The following FBN1 variants were observed in gnomAD, a reference collection of about 807,000 sequenced individuals.
The protein encoded by FBN1 is fibrillin 1, also known as fibrillin-1.
In FBN1, 29 loss-of-function variants were observed where a neutral mutation model predicts 365.1. The ratio of observed to expected loss-of-function variants is 0.08; its 90% CI spans 0.06 to 0.11. FBN1 has a LOEUF of 0.11. Ranked by LOEUF, FBN1 falls within the 10% of genes least tolerant of loss-of-function variation. FBN1 has a pLI of 1.00. For synonymous variants in FBN1, 1,210 were observed against 1,270.5 expected, an observed-to-expected ratio of 0.95 and a Z score of 1.01; for missense variants, 2,476 against 3,703.2, an observed-to-expected ratio of 0.67 and a Z score of 8.60.
chr15:48,484,186 T>A (rs1239043972), intron 30 of FBN1, among the ~76,000 whole-genome samples: 1 of 152,204 alleles, frequency 6.6e-6, no homozygotes, highest in Non-Finnish European at 1.5e-5. Flanking sequence ...CTTAAAAGTC[T>A]ATTATTTATT....
intron 38 of FBN1, among the ~76,000 whole-genome samples, chr15:48,466,109 T>C (rs1326946313): frequency 6.6e-6 from 1 of 152,194 alleles, no homozygotes; most frequent in African/African-American, 2.4e-5. Context: ...TGGTCTTACA[T>C]GTGTGTGGAC....
intron 3 of FBN1, among the ~76,000 whole-genome samples, chr15:48,612,718 A>G (rs1202468309): frequency 6.6e-6 from 1 of 152,184 alleles, no homozygotes; most frequent in East Asian, 1.9e-4. Flanking sequence ...AAGCAGCAAT[A>G]ATACCCTTTC....
At chr15:48,592,302 T>A (rs2044483822) in intron 6 of FBN1, among the ~76,000 whole-genome samples, 1 of 152,188 alleles carries the variant, frequency 6.6e-6, no homozygotes, top group Non-Finnish European at 1.5e-5. Context: ...CCATCATTCT[T>A]TTCTCTTTTG....
intron 2 of FBN1, among the ~76,000 whole-genome samples, chr15:48,633,540 C>T (rs1890030257): frequency 6.6e-6 from 1 of 152,144 alleles, no homozygotes; most frequent in African/African-American, 2.4e-5. Flanking sequence ...GACTGATACC[C>T]TCATTGACAA....
At chr15:48,478,905 G>C (rs2043445771) in intron 32 of FBN1, among the ~76,000 whole-genome samples, 1 of 152,148 alleles carries the variant, frequency 6.6e-6, no homozygotes, top group Non-Finnish European at 1.5e-5. Flanking sequence ...GAAATATTTA[G>C]ACAAAACTGT....
intron 6 of FBN1, among the ~76,000 whole-genome samples, chr15:48,551,958 A>G (rs143832094): frequency 1.3e-4 from 20 of 152,302 alleles, no homozygotes; most frequent in African/African-American, 2.9e-4. Context: ...TAGTGCTGCA[A>G]TGAGCATACA....
chr15:48,534,316 G>A lies in FBN1; in HGVS notation c.737-111C>T, dbSNP rs921744579. 21 of 1,133,056 alleles carry A rather than the reference G, an allele frequency of 1.9e-5. No individual in the cohort carries two copies. The East Asian group carries it at 4.8e-4, about 26-fold the overall frequency. 70.2% of individuals were successfully genotyped at this position (1,133,056 alleles called of 1,614,324 possible). A position where few individuals can be genotyped will look rare whatever the true frequency, so the allele number is the denominator to read the frequency against. On this transcript the variant is annotated intron_variant, in intron 7 of 65. Transcript: ENST00000316623. ...TATGTTACCATATTTATATCGGTGA[G>A]TTATTTGTCCATCACAATATTTGGA... is the stretch of plus-strand genomic sequence containing the variant.
intron 50 of FBN1, among the ~76,000 whole-genome samples, chr15:48,438,161 T>G (rs1394394424): frequency 3.3e-5 from 5 of 152,158 alleles, no homozygotes; most frequent in Non-Finnish European, 7.4e-5. Flanking sequence ...TAGTCACTAT[T>G]TCAAAGTAAC....
At chr15:48,644,318 A>G (rs1890251071) in intron 2 of FBN1, 2 of 478,950 alleles carry the variant, frequency 4.2e-6, no homozygotes, top group Admixed American at 3.3e-5. Flanking sequence ...CCCACTCGCA[A>G]CTCCTCCCCT....
intron 2 of FBN1, among the ~76,000 whole-genome samples, chr15:48,616,559 C>G (rs7167230): frequency 6.6e-6 from 1 of 152,132 alleles, no homozygotes; most frequent in African/African-American, 2.4e-5. Context: ...ATGAGACATG[C>G]TGGATTATTT....
intron 38 of FBN1, among the ~76,000 whole-genome samples, chr15:48,467,675 C>T (rs1051590337): frequency 2.0e-5 from 3 of 152,140 alleles, no homozygotes; most frequent in African/African-American, 4.8e-5. Flanking sequence ...GGTGAAAGTA[C>T]CCTAGTCTGG....
At position 48,486,530 on chromosome 15, in the gene FBN1, T is replaced by C. The variant is rs556611359; in HGVS notation, c.3589+545A>G. 2.0e-5 allele frequency among the ~76,000 whole-genome samples: 3 copies of C among 152,350 alleles called. No homozygotes were observed. In the South Asian group the frequency reaches 6.2e-4, roughly 32 times the overall value. ...AATTCTTGTCCCACAAAAACCCATC[T>C]TTAAGGAGAGCCAGGCATAGCCTCA... On this transcript the variant is annotated intron_variant, in intron 29 of 65. Coordinates refer to ENST00000316623, the MANE Select transcript of FBN1 (RefSeq NM_000138.5).
intron 55 of FBN1, among the ~76,000 whole-genome samples, 170 bp downstream of exon 55, chr15:48,432,696 T>C (rs371237377): frequency 7.9e-5 from 12 of 152,286 alleles, no homozygotes; most frequent in African/African-American, 2.6e-4. Context: ...GGCTTGATGA[T>C]GCTTCCAGCT....
At chr15:48,412,881 T>A in intron 64 of FBN1, 138 bp from the exon 65 acceptor site, 2 of 1,005,448 alleles carry the variant, frequency 2.0e-6, no homozygotes, top group Non-Finnish European at 3.1e-6. Context: ...CAGCTAGTTC[T>A]GAGAACTACA....
At chr15:48,603,682 AT>A (rs1171382209) in intron 4 of FBN1, among the ~76,000 whole-genome samples, 1 of 152,196 alleles carries the variant, frequency 6.6e-6, no homozygotes, top group Non-Finnish European at 1.5e-5. Context: ...ACCCATAATG[AT>A]GCTGTATTCT....
At chr15:48,452,471 G>T (rs1379889135) in intron 45 of FBN1, 91 bp downstream of exon 45, 4 of 1,465,780 alleles carry the variant, frequency 2.7e-6, no homozygotes, top group Non-Finnish European at 3.8e-6. Context: ...ATATTCTTCA[G>T]CTTAACTATC....
intron 53 of FBN1, among the ~76,000 whole-genome samples, chr15:48,436,418 T>C (rs922820761): frequency 5.3e-5 from 8 of 152,162 alleles, no homozygotes; most frequent in East Asian, 1.9e-4. Flanking sequence ...CTGGAATTCT[T>C]AGATAACTAA....
chr15:48,510,082 G>A lies in FBN1; in HGVS notation c.1676C>T (p.Ala559Val), dbSNP rs141551765. 1.4e-5 allele frequency: 23 copies of A among 1,613,278 alleles called. No homozygotes were observed. Among genetic ancestry groups the A allele is most frequent in the East Asian group, 8.9e-5 (4 of 44,840 alleles). The change falls in exon 14 of 66, where the codon GCG becomes GTG. Residue 559 changes from alanine (A) to valine (V), a missense_variant. Ala to Val is a moderately conservative substitution (Grantham distance 64, BLOSUM62 0). Around this residue, in one of 5 missense-constraint regions of FBN1, gnomAD observed 1,780 missense variants for 2,840.8 expected, o/e 0.63. Transcript: ENST00000316623. ...CCCATCTCGTGTAACATGAAAGCCC[G>A]CATTACACACGCAATGAAAACTGCC... ...TDGSFHCVCN[A>V]GFHVTRDGKN... is the part of the protein sequence containing the mutation.
At chr15:48,435,949 G>A (rs924307958) in intron 53 of FBN1, among the ~76,000 whole-genome samples, 1 of 152,004 alleles carries the variant, frequency 6.6e-6, no homozygotes, top group African/African-American at 2.4e-5. Context: ...AGGCACAGAA[G>A]AGTAATGGCT....
Sources: allele counts gnomAD v4.1 joint callset (sites outside exome capture counted in the v4.1 genomes callset), GRCh38; gene constraint gnomAD v4.1.1; regional missense constraint gnomAD v4.1.1; transcripts MANE v1.5; gene names NCBI Gene and HGNC (gene_info 2026-07-23, HGNC 2026-07-21).